Variants in AGAP1 observed in about 807,000 individuals in gnomAD.
AGAP1 encodes arf-GAP with GTPase, ANK repeat and PH domain-containing protein 1.
Under a neutral mutation model 105.3 loss-of-function variants are expected in AGAP1, and 29 were observed. That is an observed-to-expected ratio of 0.28 (90% CI 0.21 to 0.38). AGAP1 has a LOEUF of 0.38. Ranked by LOEUF, AGAP1 falls within the 10% of genes least tolerant of loss-of-function variation. The pLI is 1.00. For missense variants in AGAP1, 998 were observed against 1,165.1 expected (o/e 0.86, Z 2.09); for synonymous variants, 509 against 485.9 (o/e 1.05, Z -0.63).
chr2:235,835,240 A>G (rs1349058784), intron 9 of AGAP1, among the ~76,000 whole-genome samples: 2 of 152,148 alleles, frequency 1.3e-5, no homozygotes, highest in Admixed American at 6.5e-5. Flanking sequence ...GTGGCTCCCC[A>G]TGGCCTGCAC....
intron 1 of AGAP1, among the ~76,000 whole-genome samples, chr2:235,497,544 A>G (rs1359451748): frequency 2.0e-5 from 3 of 152,252 alleles, no homozygotes; most frequent in African/African-American, 4.8e-5. Context: ...CTGTATGTGC[A>G]TACACAGAAT....
intron 11 of AGAP1, among the ~76,000 whole-genome samples, chr2:235,910,548 A>G (rs2051555374): frequency 1.3e-5 from 2 of 152,234 alleles, no homozygotes; most frequent in South Asian, 4.1e-4. Flanking sequence ...CAAGAAAGAA[A>G]AAACAATCCG....
At chr2:236,084,061 CGCTCTCTGTTCA>C (rs1456417075) in intron 16 of AGAP1, among the ~76,000 whole-genome samples, 4 of 152,142 alleles carry the variant, frequency 2.6e-5, no homozygotes, top group Non-Finnish European at 5.9e-5. Context: ...GGAGGATTGG[CGCTCTCTGTTCA>C]GCCGGGCAGG....
In AGAP1 at chr2:235,792,293, C is replaced by T. The variant is rs1559494192; in HGVS notation, c.674-5466C>T. Among the ~76,000 whole-genome samples, 1 of 152,166 alleles carries T rather than the reference C, an allele frequency of 6.6e-6. No individual in the cohort carries two copies. Among genetic ancestry groups the T allele is most frequent in the African/African-American group, 2.4e-5 (1 of 41,424 alleles). The stretch of plus-strand genomic sequence containing the variant: ...TGCCCCCACTTTTCCCCACCCTTCA[C>T]GTGTCATCTGGTCCCCCACAAAGCT... On this transcript the variant is annotated intron_variant, in intron 6 of 17. Coordinates refer to ENST00000304032, the MANE Select transcript of AGAP1 (RefSeq NM_001037131.3). This position sits in a 1 kb window ranked among gnomAD's most constrained non-coding sequence, Gnocchi z 5.3.
intron 1 of AGAP1, among the ~76,000 whole-genome samples, chr2:235,696,068 C>T (rs976031157): frequency 8.5e-5 from 13 of 152,250 alleles, no homozygotes; most frequent in African/African-American, 1.4e-4. Flanking sequence ...TTTCTTGAGA[C>T]GGAGTTTCAC....
intron 1 of AGAP1, among the ~76,000 whole-genome samples, chr2:235,595,736 C>T (rs1022892353): frequency 3.9e-5 from 6 of 152,070 alleles, no homozygotes; most frequent in South Asian, 2.1e-4. Flanking sequence ...TATTTATAGC[C>T]GATGATTGAT....
intron 4 of AGAP1, among the ~76,000 whole-genome samples, chr2:235,742,297 G>A (rs1341499943): frequency 6.6e-6 from 1 of 152,144 alleles, no homozygotes; most frequent in Admixed American, 6.5e-5. Flanking sequence ...TTGCCATGTT[G>A]CATTGACTCT....
Position 235,535,627 on chromosome 2 carries a change from T to TC in AGAP1, c.163+40778_163+40779insC, listed in dbSNP as rs1943188041. ...AGACCCTGGGGGCCGGGCGGGGCTGTGCCAGGCACCCGCGTCGCGCTCCAG... is the reference window on the plus strand; with the variant it reads ...AGACCCTGGGGGCCGGGCGGGGCTGTCGCCAGGCACCCGCGTCGCGCTCCAG... On this transcript the variant is annotated intron_variant, in intron 1 of 17. Coordinates refer to ENST00000304032, the MANE Select transcript of AGAP1 (RefSeq NM_001037131.3). The surrounding 1 kb of genome is among the most constrained non-coding windows in gnomAD (Gnocchi z 5.1). Among the ~76,000 whole-genome samples, 1 of 152,054 alleles carries TC rather than the reference T, an allele frequency of 6.6e-6. No homozygotes were observed. The highest frequency in any genetic ancestry group is 1.5e-5 in the Non-Finnish European group (1 of 68,016).
chr2:235,744,608 C>T lies in AGAP1; in HGVS notation c.397-90C>T, dbSNP rs1285902998. 4 of 1,519,116 alleles carry T rather than the reference C, an allele frequency of 2.6e-6. No homozygotes were observed. The East Asian group carries it at 9.1e-5, about 34-fold the overall frequency. 94.1% of individuals were successfully genotyped at this position (1,519,116 alleles called of 1,614,324 possible). On this transcript the variant is annotated intron_variant, in intron 4 of 17. Transcript: ENST00000304032. The surrounding 1 kb of genome is among the most constrained non-coding windows in gnomAD (Gnocchi z 5.2). ...GTGTGACCGAGGGGATTCCTGCAGC[C>T]CCCTGCTGCCTGCCGCCATGCAGAC... is the stretch of plus-strand genomic sequence containing the variant.
In AGAP1 at chr2:236,044,113, G is replaced by A. The variant is rs1048743988; in HGVS notation, c.1891+3272G>A. 6.7e-6 allele frequency among the ~76,000 whole-genome samples: 1 copy of A among 149,252 alleles called. No homozygotes were observed. Among genetic ancestry groups the A allele is most frequent in the Non-Finnish European group, 1.5e-5 (1 of 66,324 alleles). ...GTGCCTGTCTATAAAGGGATTCTGAGAGCCAGTGAATTTGGGAAACTCTTA... is the reference window on the plus strand; with the variant it reads ...GTGCCTGTCTATAAAGGGATTCTGAAAGCCAGTGAATTTGGGAAACTCTTA... On this transcript the variant is annotated intron_variant, in intron 15 of 17. Coordinates refer to ENST00000304032, the MANE Select transcript of AGAP1 (RefSeq NM_001037131.3). This position sits in a 1 kb window ranked among gnomAD's most constrained non-coding sequence, Gnocchi z 5.7.
At chr2:236,057,352 G>C (rs895654558) in intron 16 of AGAP1, among the ~76,000 whole-genome samples, 5 of 152,164 alleles carry the variant, frequency 3.3e-5, no homozygotes, top group Non-Finnish European at 7.4e-5. Context: ...CAGGTGATTT[G>C]CCTGCCTTGG....
chr2:235,963,615 G>C lies in AGAP1; in HGVS notation c.1484-4847G>C, dbSNP rs1237246099. Among the ~76,000 whole-genome samples, 1 of 152,214 alleles carries C rather than the reference G, an allele frequency of 6.6e-6. No homozygotes were observed. Among genetic ancestry groups the C allele is most frequent in the Non-Finnish European group, 1.5e-5 (1 of 68,038 alleles). ...GATATGTGAGCTGAACACAAAGACA[G>C]TGTAATTTATCTAGGCTCAGTGGTC... On this transcript the variant is annotated intron_variant, in intron 12 of 17. Transcript: ENST00000304032. The surrounding 1 kb of genome is among the most constrained non-coding windows in gnomAD (Gnocchi z 5.1).
intron 10 of AGAP1, among the ~76,000 whole-genome samples, chr2:235,896,042 G>T (rs550280701): frequency 6.6e-6 from 1 of 152,066 alleles, no homozygotes; most frequent in Admixed American, 6.5e-5. Flanking sequence ...ACGTTGTTGG[G>T]CAGTCAACCT....
intron 1 of AGAP1, among the ~76,000 whole-genome samples, chr2:235,652,320 C>T (rs567347115): frequency 1.4e-4 from 22 of 152,168 alleles, no homozygotes; most frequent in East Asian, 9.7e-4. Flanking sequence ...CCTTCAGCCA[C>T]GCAGCCCTCA....
chr2:235,537,151 T>C (rs1943265076), intron 1 of AGAP1, among the ~76,000 whole-genome samples: 1 of 152,150 alleles, frequency 6.6e-6, no homozygotes, highest in Non-Finnish European at 1.5e-5. Context: ...ATATAAACAA[T>C]AAGCACAATT....
chr2:235,726,456 A>G (rs1951650132), intron 3 of AGAP1, among the ~76,000 whole-genome samples: 1 of 152,236 alleles, frequency 6.6e-6, no homozygotes, highest in Admixed American at 6.5e-5. Context: ...CATTTTTCCT[A>G]GAGAAATTTT....
rs755411613 is a variant in AGAP1, at chr2:236,080,072, C to T, written c.2114+30791C>T. Among the ~76,000 whole-genome samples the T allele has an allele frequency of 6.6e-6, 1 of 152,208 alleles. No homozygotes were observed. Among genetic ancestry groups the T allele is most frequent in the Non-Finnish European group, 1.5e-5 (1 of 68,042 alleles). On this transcript the variant is annotated intron_variant, in intron 16 of 17. Transcript: ENST00000304032. The surrounding 1 kb of genome is among the most constrained non-coding windows in gnomAD (Gnocchi z 4.2). ...GATGTAGTCAGGGCCCCATGGCATC[C>T]GCACACATCAAGGGCTGCATTGCAG...
Position 236,027,627 on chromosome 2 carries a change from G to C in AGAP1, c.1646-8934G>C, listed in dbSNP as rs1266103081. On this transcript the variant is annotated intron_variant, in intron 13 of 17. Transcript: ENST00000304032. The surrounding 1 kb of genome is among the most constrained non-coding windows in gnomAD (Gnocchi z 4.4). ...AGCCTGCCTGGGAGAGGCCAGCCCAGGGTCAGCAGCGCCATTGCCTCTTGA... is the reference window on the plus strand; with the variant it reads ...AGCCTGCCTGGGAGAGGCCAGCCCACGGTCAGCAGCGCCATTGCCTCTTGA... Among the ~76,000 whole-genome samples the C allele has an allele frequency of 6.6e-6, 1 of 152,144 alleles. No individual in the cohort carries two copies. Among genetic ancestry groups the C allele is most frequent in the Non-Finnish European group, 1.5e-5 (1 of 68,034 alleles).
Position 235,874,847 on chromosome 2 carries a change from A to G in AGAP1, c.1051-8498A>G, listed in dbSNP as rs1436249008. ...TGTGCGTGTGCTCTTGCACACGCTC[A>G]TGGATCAAGGCAGAGGATGAGTTTA... On this transcript the variant is annotated intron_variant, in intron 9 of 17. Coordinates refer to ENST00000304032, the MANE Select transcript of AGAP1 (RefSeq NM_001037131.3). This position sits in a 1 kb window ranked among gnomAD's most constrained non-coding sequence, Gnocchi z 4.5. 6.6e-6 allele frequency among the ~76,000 whole-genome samples: 1 copy of G among 152,236 alleles called. No homozygotes were observed. The highest frequency in any genetic ancestry group is 1.5e-5 in the Non-Finnish European group (1 of 68,044).
Sources: gnomAD v4.1 joint callset for allele counts (sites outside exome capture counted in the v4.1 genomes callset) on GRCh38, gnomAD v4.1.1 for gene constraint, Gnocchi (gnomAD v3.1) non-coding constraint, MANE v1.5 for transcripts, NCBI Gene and HGNC (gene_info 2026-07-23, HGNC 2026-07-21) for gene names.